UNC13C: variants seen among roughly 807,000 people sequenced by gnomAD.
UNC13C encodes the protein protein unc-13 homolog C.
UNC13C carries 174 observed loss-of-function variants against 245.4 expected under a neutral mutation model. The ratio of observed to expected loss-of-function variants is 0.71; its 90% CI spans 0.63 to 0.80. The LOEUF is 0.80. UNC13C is among the 30% of genes least tolerant of loss of function. The probability of loss-of-function intolerance (pLI) is 0.00; values close to 1 mark genes in which losing one functional copy is unlikely to be tolerated. For synonymous variants in UNC13C, 992 were observed against 895.1 expected, an observed-to-expected ratio of 1.11 and a Z score of -1.93; for missense variants, 2,829 against 2,602.9, an observed-to-expected ratio of 1.09 and a Z score of -1.89.
the UNC13C span, among the ~76,000 whole-genome samples, chr15:53,860,519 T>A: frequency 1.3e-5 from 2 of 152,256 alleles, no homozygotes; most frequent in African/African-American, 2.4e-5. Context: ...ATTCCATTCT[T>A]GGCCATCATC....
intron 4 of UNC13C, among the ~76,000 whole-genome samples, chr15:54,231,341 T>C (rs76290400): frequency 0.047 from 7,138 of 152,040 alleles, 363 homozygotes; most frequent in East Asian, 0.27. Context: ...TACAAAATAA[T>C]ATTAATTGTA....
intron 2 of UNC13C, chr15:54,048,970 TC>T: frequency 2.8e-6 from 1 of 354,682 alleles, no homozygotes. Flanking sequence ...CATGTATCAC[TC>T]CAGGCCAAAG....
the UNC13C span, among the ~76,000 whole-genome samples, chr15:53,926,895 T>A: frequency 2.6e-5 from 4 of 152,192 alleles, no homozygotes; most frequent in Admixed American, 2.6e-4. Context: ...TCTGCCCTTA[T>A]GTGGGATAAA....
chr15:54,176,547 T>C (rs1048554111), intron 4 of UNC13C, among the ~76,000 whole-genome samples: 12 of 152,090 alleles, frequency 7.9e-5, no homozygotes, highest in African/African-American at 2.9e-4. Flanking sequence ...GTAGAAACAA[T>C]GTTGAATGAC....
intron 17 of UNC13C, among the ~76,000 whole-genome samples, chr15:54,368,563 T>A (rs968395156): frequency 2.0e-5 from 3 of 151,844 alleles, no homozygotes; most frequent in African/African-American, 7.2e-5. Context: ...ACCAATGTGG[T>A]CTGCTATTTC....
At chr15:53,923,438 A>C in the UNC13C span, among the ~76,000 whole-genome samples, 1 of 152,238 alleles carries the variant, frequency 6.6e-6, no homozygotes. Context: ...CCATGATAGA[A>C]GGATACATTT....
rs568878910 is a variant in UNC13C at position 54,625,364 on chromosome 15, A to G, written c.6359+1410A>G. Among the ~76,000 whole-genome samples the G allele has an allele frequency of 2.0e-4, 30 of 152,282 alleles. No homozygotes were observed. The South Asian group carries it at 6.0e-3, about 31-fold the overall frequency. On this transcript the variant is annotated intron_variant, in intron 32 of 32. Transcript: ENST00000260323. Reference sequence around the variant, plus strand: ...ACAGCAAAAAGGAGGGTGGATCCACAGGGGGAAACTGGGCGATACCTGGCA... The same window carrying G: ...ACAGCAAAAAGGAGGGTGGATCCACGGGGGGAAACTGGGCGATACCTGGCA...
the UNC13C span, among the ~76,000 whole-genome samples, chr15:53,956,624 T>A: frequency 1.1e-4 from 12 of 109,546 alleles, no homozygotes; most frequent in African/African-American, 4.0e-4. Context: ...AGCTTGATGA[T>A]TGGAATAAAG....
intron 2 of UNC13C, among the ~76,000 whole-genome samples, chr15:54,086,212 C>T (rs1036976743): frequency 6.6e-6 from 1 of 152,174 alleles, no homozygotes; most frequent in African/African-American, 2.4e-5. Context: ...AGTCTCTCCT[C>T]CTCCCTATAC....
intron 2 of UNC13C, among the ~76,000 whole-genome samples, chr15:54,084,441 C>T (rs1168823857): frequency 1.3e-5 from 2 of 152,104 alleles, no homozygotes; most frequent in South Asian, 2.1e-4. Context: ...AAATAAATTT[C>T]ACTTATTTCT....
the UNC13C span, among the ~76,000 whole-genome samples, chr15:53,971,429 CA>C: frequency 1.3e-5 from 2 of 151,974 alleles, no homozygotes; most frequent in Middle Eastern, 3.2e-3. Flanking sequence ...GCAACAAAAG[CA>C]AAAGTAGACC....
intron 10 of UNC13C, among the ~76,000 whole-genome samples, chr15:54,272,580 G>A (rs1198725805): frequency 6.6e-6 from 1 of 152,178 alleles, no homozygotes; most frequent in Non-Finnish European, 1.5e-5. Context: ...AAAGCAAGGA[G>A]TTTAGTCACA....
chr15:54,125,600 T>G (rs947587978), intron 2 of UNC13C, among the ~76,000 whole-genome samples: 2 of 152,218 alleles, frequency 1.3e-5, no homozygotes, highest in African/African-American at 4.8e-5. Context: ...TCTATTGAGA[T>G]AGTCTTTGAA....
intron 1 of UNC13C, among the ~76,000 whole-genome samples, chr15:53,991,130 T>G (rs1287675207): frequency 6.6e-6 from 1 of 152,054 alleles, no homozygotes; most frequent in Middle Eastern, 3.2e-3. Context: ...ATTATGAGAC[T>G]TCTTTCTATT....
chr15:54,025,327 G>A (rs748229283), intron 2 of UNC13C, among the ~76,000 whole-genome samples: 11 of 152,052 alleles, frequency 7.2e-5, no homozygotes, highest in Admixed American at 2.0e-4. Flanking sequence ...ACTTTCTTTA[G>A]TTTTCTTAAG....
chr15:54,334,482 C>T (rs1164434192), intron 16 of UNC13C, among the ~76,000 whole-genome samples: 2 of 152,022 alleles, frequency 1.3e-5, no homozygotes, highest in Non-Finnish European at 2.9e-5. Context: ...AATATACACT[C>T]TTTGAAAGAC....
chr15:54,068,761 TAGTC>T (rs1214329782), intron 2 of UNC13C, among the ~76,000 whole-genome samples: 1 of 152,228 alleles, frequency 6.6e-6, no homozygotes, highest in Non-Finnish European at 1.5e-5. Context: ...TTAACTGTAG[TAGTC>T]AGTTTCAGAA....
chr15:54,449,742 A>G (rs182888888), intron 19 of UNC13C, among the ~76,000 whole-genome samples: 134 of 152,224 alleles, frequency 8.8e-4, no homozygotes, highest in African/African-American at 2.9e-3. Context: ...AGCTTGGAGA[A>G]GTTTGATCGT....
rs145272153 is a variant in UNC13C at position 54,216,444 on chromosome 15, G to C, written c.3072-18586G>C. 2.6e-3 allele frequency among the ~76,000 whole-genome samples: 397 copies of C among 151,972 alleles called. 3 individuals carry two copies. Among genetic ancestry groups the C allele is most frequent in the African/African-American group, 9.1e-3 (378 of 41,484 alleles). Reference sequence around the variant, plus strand: ...CAGGGAAAATAATTGGTTCTGGAATGGATATATTGTCTTGAAATTGCTGGC... The same window carrying C: ...CAGGGAAAATAATTGGTTCTGGAATCGATATATTGTCTTGAAATTGCTGGC... On this transcript the variant is annotated intron_variant, in intron 4 of 32. Transcript: ENST00000260323.
Sources: allele counts gnomAD v4.1 joint callset (sites outside exome capture counted in the v4.1 genomes callset), GRCh38; gene constraint gnomAD v4.1.1; transcripts MANE v1.5; gene names NCBI Gene and HGNC (gene_info 2026-07-23, HGNC 2026-07-21).